PTMA: variants seen among roughly 807,000 people sequenced by gnomAD.
The protein encoded by PTMA is prothymosin alpha, also known as gene sequence 28.
PTMA carries 4 observed loss-of-function variants against 16.9 expected under a neutral mutation model. The ratio of observed to expected loss-of-function variants is 0.24; its 90% CI spans 0.12 to 0.54. PTMA has a LOEUF of 0.54. Ranked by LOEUF, PTMA falls within the 20% of genes least tolerant of loss-of-function variation. The pLI, the probability that PTMA is intolerant of heterozygous loss-of-function variation, is 0.95. For missense variants in PTMA, 120 were observed against 137.7 expected (o/e 0.87, Z 0.64); for synonymous variants, 58 against 47.9 (o/e 1.21, Z -0.87).
At chr2:231,712,360 A>C (rs1365470258) in intron 3 of PTMA, 83 bp from the exon 4 acceptor site, 1 of 1,390,856 alleles carries the variant, frequency 7.2e-7, no homozygotes, top group Non-Finnish European at 1.0e-6. Flanking sequence ...GGGACCTTGC[A>C]GTCCACTACA....
chr2:231,711,184 A>G (rs552689038), intron 1 of PTMA, 164 bp from the exon 2 acceptor site: 1 of 601,154 alleles, frequency 1.7e-6, no homozygotes, highest in African/African-American at 1.8e-5. Flanking sequence ...CTTCCACCAG[A>G]CCAGTGGGAG....
intron 1 of PTMA, among the ~76,000 whole-genome samples, chr2:231,709,283 C>A (rs1227991076): frequency 6.6e-6 from 1 of 152,134 alleles, no homozygotes; most frequent in Non-Finnish European, 1.5e-5. Flanking sequence ...TAGACTAAGT[C>A]CCGATAAGGC....
chr2:231,712,418 T>C (rs756889904), intron 3 of PTMA, 25 bp from the exon 4 acceptor site: 1 of 1,610,226 alleles, frequency 6.2e-7, no homozygotes, highest in Non-Finnish European at 8.5e-7. Flanking sequence ...GAAGTGTGGT[T>C]TACCTGGCCT....
Position 231,713,005 on chromosome 2 carries a change from C to T in PTMA, c.*154C>T. The T allele has an allele frequency of 5.7e-6, 4 of 706,294 alleles. No homozygotes were observed. In the East Asian group the frequency reaches 1.1e-4, roughly 19 times the overall value. The allele number at this position is 706,294 out of a possible 1,614,324, so 43.8% of individuals were successfully genotyped here. On this transcript the variant is annotated 3_prime_UTR_variant, in exon 5 of 5. Coordinates refer to ENST00000409115, the MANE Select transcript of PTMA (RefSeq NM_002823.5). ...GTGCCACCCGCAGATGACACGCGCT[C>T]TCCACCACCCAACCCAAACCATGAG...
Position 231,712,011 on chromosome 2 carries a change from T to C in PTMA, c.211+28T>C. 1.9e-6 allele frequency: 3 copies of C among 1,552,486 alleles called. No homozygotes were observed. The South Asian group carries it at 3.6e-5, about 18-fold the overall frequency. On this transcript the variant is annotated intron_variant, in intron 3 of 4. Transcript: ENST00000409115. ...GAGTAGCCTTGTCTATCTTCCCCTTTTCAGGTACTTTTTCCTGGCCTTGTC... is the reference window on the plus strand; with the variant it reads ...GAGTAGCCTTGTCTATCTTCCCCTTCTCAGGTACTTTTTCCTGGCCTTGTC...
chr2:231,710,387 G>A (rs536886857), intron 1 of PTMA: 1 of 1,178,358 alleles, frequency 8.5e-7, no homozygotes, highest in South Asian at 4.3e-5. Flanking sequence ...CGCCGGGCGG[G>A]GGATGCGCGC....
intron 1 of PTMA, 46 bp downstream of exon 1, chr2:231,708,797 C>A: frequency 3.8e-6 from 6 of 1,589,026 alleles, no homozygotes; most frequent in Non-Finnish European, 5.1e-6. Flanking sequence ...CGCGCCGCCG[C>A]TCGGGCGGTG....
At chr2:231,711,462 CA>C in intron 2 of PTMA, 43 bp downstream of exon 2, 1 of 1,589,928 alleles carries the variant, frequency 6.3e-7, no homozygotes, top group East Asian at 2.2e-5. Flanking sequence ...GCTACCGCCC[CA>C]CAAAATTTTT....
At position 231,708,607 on chromosome 2, in the gene PTMA, C is replaced by T; in HGVS notation, c.-100C>T. The stretch of plus-strand genomic sequence containing the variant: ...TCGCCGCAGCCGCCTCCGCCGCGCG[C>T]CTCCTCCGCCGCCGCGGACTCCGGC... On this transcript the variant is annotated 5_prime_UTR_variant, in exon 1 of 5. Coordinates refer to ENST00000409115, the MANE Select transcript of PTMA (RefSeq NM_002823.5). The T allele has an allele frequency of 6.7e-7, 1 of 1,492,966 alleles. No homozygotes were observed. The highest frequency in any genetic ancestry group is 9.2e-7 in the Non-Finnish European group (1 of 1,087,358). 92.5% of individuals were successfully genotyped at this position (1,492,966 alleles called of 1,614,324 possible). A position where few individuals can be genotyped will look rare whatever the true frequency, so the allele number is the denominator to read the frequency against.
At chr2:231,708,807 GT>G in intron 1 of PTMA, 56 bp downstream of exon 1, 1 of 1,574,374 alleles carries the variant, frequency 6.4e-7, no homozygotes, top group Admixed American at 1.7e-5. Context: ...CTCGGGCGGT[GT>G]TTGGCGCGCA....
At chr2:231,712,647 A>C in intron 4 of PTMA, 131 bp downstream of exon 4, 1 of 1,312,262 alleles carries the variant, frequency 7.6e-7, no homozygotes, top group East Asian at 2.5e-5. Context: ...CTGAATCTTA[A>C]GAACAGGAAG....
intron 1 of PTMA, chr2:231,710,261 G>T: frequency 2.2e-6 from 3 of 1,334,770 alleles, no homozygotes; most frequent in Middle Eastern, 2.7e-4. Context: ...ACCCGCGCGC[G>T]TGCCACTGCA....
At chr2:231,711,123 G>T (rs1575351885) in intron 1 of PTMA, 1 of 413,942 alleles carries the variant, frequency 2.4e-6, no homozygotes, top group East Asian at 4.2e-5. Flanking sequence ...CCGCTGTAGC[G>T]GGCCTTAAAG....
Position 231,710,044 on chromosome 2 carries a change from T to C in PTMA, c.45+1293T>C. On this transcript the variant is annotated intron_variant, in intron 1 of 4. Coordinates refer to ENST00000409115, the MANE Select transcript of PTMA (RefSeq NM_002823.5). Reference sequence around the variant, plus strand: ...CCCAGTGCGGGGCCTGGCTGTTCGATTTTCTCCGAAGCACCAAAAGGTGAC... The same window carrying C: ...CCCAGTGCGGGGCCTGGCTGTTCGACTTTCTCCGAAGCACCAAAAGGTGAC... The C allele has an allele frequency of 4.9e-6, 6 of 1,221,162 alleles. No homozygotes were observed. The South Asian group carries it at 2.1e-4, about 43-fold the overall frequency. The allele number at this position is 1,221,162 out of a possible 1,614,324, so 75.6% of individuals were successfully genotyped here.
Position 231,708,614 on chromosome 2 carries a change from C to T in PTMA, c.-93C>T, listed in dbSNP as rs1361718100. ...AGCCGCCTCCGCCGCGCGCCTCCTCCGCCGCCGCGGACTCCGGCAGCTTTA... is the reference window on the plus strand; with the variant it reads ...AGCCGCCTCCGCCGCGCGCCTCCTCTGCCGCCGCGGACTCCGGCAGCTTTA... On this transcript the variant is annotated 5_prime_UTR_variant, in exon 1 of 5. Coordinates refer to ENST00000409115, the MANE Select transcript of PTMA (RefSeq NM_002823.5). 30 of 1,539,406 alleles carry T rather than the reference C, an allele frequency of 1.9e-5. No individual in the cohort carries two copies. Among genetic ancestry groups the T allele is most frequent in the Non-Finnish European group, 2.3e-5 (26 of 1,129,252 alleles).
intron 1 of PTMA, chr2:231,710,762 G>C (rs1199951095): frequency 3.0e-6 from 1 of 329,162 alleles, no homozygotes; most frequent in Admixed American, 4.6e-5. Flanking sequence ...CCGCCAAGCA[G>C]CGGTTTGCGG....
rs1226436251 is a variant in PTMA at position 231,712,793 on chromosome 2, T to C, written c.286-11T>C. The C allele has an allele frequency of 6.3e-7, 1 of 1,593,306 alleles. No individual in the cohort carries two copies. The highest frequency in any genetic ancestry group is 1.1e-5 in the South Asian group (1 of 87,584). The stretch of plus-strand genomic sequence containing the variant: ...GGTTGGAGGGGCCTTTGACAGTCTT[T>C]CTCTGCTTAGGATGACGATGTCGAT... On this transcript the variant is annotated splice_polypyrimidine_tract_variant and intron_variant, in intron 4 of 4. Transcript: ENST00000409115.
chr2:231,713,167 ATT>A lies in PTMA; in HGVS notation c.*320_*321del, dbSNP rs1322024312. The A allele has an allele frequency of 3.9e-5, 17 of 434,662 alleles. No individual in the cohort carries two copies. Among genetic ancestry groups the A allele is most frequent in the Non-Finnish European group, 7.3e-5 (16 of 218,742 alleles). The allele number at this position is 434,662 out of a possible 1,614,324, so 26.9% of individuals were successfully genotyped here. On this transcript the variant is annotated 3_prime_UTR_variant, in exon 5 of 5. Transcript: ENST00000409115. ...TTTGTACATATTGTTAGGGTCAGCCATTTTTAATGATCTCGGATGACCAAACC... is the reference window on the plus strand; with the variant it reads ...TTTGTACATATTGTTAGGGTCAGCCATTTAATGATCTCGGATGACCAAACC...
chr2:231,708,860 G>A, intron 1 of PTMA, 109 bp downstream of exon 1: 7 of 1,339,000 alleles, frequency 5.2e-6, no homozygotes, highest in Non-Finnish European at 7.1e-6. Context: ...CCCTCTCGCG[G>A]GGAAACGGCC....
Sources: gnomAD v4.1 joint callset for allele counts (sites outside exome capture counted in the v4.1 genomes callset) on GRCh38, gnomAD v4.1.1 for gene constraint, MANE v1.5 for transcripts, NCBI Gene and HGNC (gene_info 2026-07-23, HGNC 2026-07-21) for gene names.